GRIP1: variants seen among roughly 807,000 people sequenced by gnomAD.
The protein encoded by GRIP1 is glutamate receptor-interacting protein 1.
A neutral mutation model predicts 129.9 loss-of-function variants in GRIP1; 45 were observed. That is an observed-to-expected ratio of 0.35 (90% confidence interval 0.27 to 0.44). GRIP1 has a LOEUF of 0.44. Ranked by LOEUF, GRIP1 falls within the 20% of genes least tolerant of loss-of-function variation. The pLI is 1.00. For missense variants in GRIP1, 1,196 were observed against 1,396.8 expected (o/e 0.86, Z 2.29); for synonymous variants, 530 against 520.8 (o/e 1.02, Z -0.24).
At chr12:66,525,963 C>G (rs1175388603) in intron 5 of GRIP1, among the ~76,000 whole-genome samples, 1 of 152,042 alleles carries the variant, frequency 6.6e-6, no homozygotes, top group African/African-American at 2.4e-5. Flanking sequence ...ACCTAGGAAT[C>G]CAACTTACAA....
At chr12:66,705,119 A>G (rs906295310) in intron 1 of GRIP1, among the ~76,000 whole-genome samples, 5 of 152,166 alleles carry the variant, frequency 3.3e-5, no homozygotes, top group African/African-American at 1.2e-4. Context: ...GGCTGAAATC[A>G]TTTTTACTTT....
At chr12:66,360,883 G>A (rs1176678602) in intron 23 of GRIP1, among the ~76,000 whole-genome samples, 1 of 152,156 alleles carries the variant, frequency 6.6e-6, no homozygotes, top group Non-Finnish European at 1.5e-5. Context: ...CAGTCCTCAA[G>A]CTCTGACAGC....
At chr12:66,619,456 G>A (rs141880783) in intron 1 of GRIP1, among the ~76,000 whole-genome samples, 11 of 152,110 alleles carry the variant, frequency 7.2e-5, no homozygotes, top group East Asian at 1.9e-4. Flanking sequence ...CACACTTAGG[G>A]ACTATTTTCT....
intron 1 of GRIP1, among the ~76,000 whole-genome samples, chr12:66,839,712 C>T (rs947207793): frequency 6.6e-6 from 1 of 152,142 alleles, no homozygotes; most frequent in Non-Finnish European, 1.5e-5. Flanking sequence ...TAATAGTCTG[C>T]TAAGTGACAT....
intron 5 of GRIP1, among the ~76,000 whole-genome samples, chr12:66,526,059 A>G (rs943408237): frequency 1.1e-4 from 17 of 152,214 alleles, no homozygotes; most frequent in Non-Finnish European, 2.2e-4. Flanking sequence ...AGAACATTCC[A>G]TACTCATCGA....
At chr12:66,905,983 C>T (rs1031261666) in intron 1 of GRIP1, among the ~76,000 whole-genome samples, 10 of 151,316 alleles carry the variant, frequency 6.6e-5, no homozygotes, top group East Asian at 1.9e-4. Flanking sequence ...GGTCAGTTCT[C>T]GATGTGTAAA....
intron 1 of GRIP1, among the ~76,000 whole-genome samples, chr12:66,727,852 G>C (rs1053135430): frequency 5.3e-5 from 8 of 152,186 alleles, no homozygotes; most frequent in African/African-American, 1.9e-4. Context: ...TATAAGTTCA[G>C]AGGAGCTGCT....
intron 1 of GRIP1, among the ~76,000 whole-genome samples, chr12:66,603,944 T>C (rs2064393085): frequency 6.6e-6 from 1 of 152,202 alleles, no homozygotes; most frequent in South Asian, 2.1e-4. Context: ...GAGGAAATGG[T>C]ATTGAATTAC....
chr12:66,526,851 A>T (rs2061260466), intron 5 of GRIP1, among the ~76,000 whole-genome samples: 2 of 150,888 alleles, frequency 1.3e-5, no homozygotes, highest in African/African-American at 4.9e-5. Flanking sequence ...CAACCCCATC[A>T]AAAAGTGGGT....
chr12:66,615,360 AGAG>A (rs2064994962), intron 1 of GRIP1, among the ~76,000 whole-genome samples: 1 of 152,144 alleles, frequency 6.6e-6, no homozygotes, highest in Non-Finnish European at 1.5e-5. Flanking sequence ...TCTGACGCTC[AGAG>A]GAGGGGAGCC....
chr12:67,046,578 C>T (rs549974129), intron 1 of GRIP1, among the ~76,000 whole-genome samples: 5 of 152,272 alleles, frequency 3.3e-5, no homozygotes, highest in African/African-American at 1.2e-4. Flanking sequence ...CTATGTTCAA[C>T]ATTTTAAGCT....
At chr12:66,580,687 C>A (rs1192014794) in intron 2 of GRIP1, among the ~76,000 whole-genome samples, 1 of 150,322 alleles carries the variant, frequency 6.7e-6, no homozygotes. Context: ...GTAAAGGGAT[C>A]AATTCAACAA....
intron 1 of GRIP1, among the ~76,000 whole-genome samples, chr12:67,032,562 T>C (rs1338520071): frequency 6.6e-6 from 1 of 152,202 alleles, no homozygotes; most frequent in Admixed American, 6.5e-5. Context: ...CTACTGACAT[T>C]TTGGGCCAGA....
At chr12:66,392,155 T>A (rs1478840402) in intron 19 of GRIP1, among the ~76,000 whole-genome samples, 153 bp downstream of exon 19, 1 of 151,830 alleles carries the variant, frequency 6.6e-6, no homozygotes, top group African/African-American at 2.4e-5. Context: ...GCCAGCAGAG[T>A]GTAAGTATTC....
chr12:66,370,025 T>A (rs549477357), intron 23 of GRIP1, among the ~76,000 whole-genome samples: 18 of 152,338 alleles, frequency 1.2e-4, no homozygotes, highest in African/African-American at 4.3e-4. Flanking sequence ...AAGCTTCCAA[T>A]TCTAGACTCT....
chr12:66,575,432 TA>T (rs1565876884), intron 2 of GRIP1, among the ~76,000 whole-genome samples: 1 of 152,210 alleles, frequency 6.6e-6, no homozygotes, highest in Non-Finnish European at 1.5e-5. Context: ...TAGAAGTGTT[TA>T]TTTTTCGGTA....
At chr12:66,374,854 T>C (rs2055709472) in intron 22 of GRIP1, among the ~76,000 whole-genome samples, 2 of 152,212 alleles carry the variant, frequency 1.3e-5, no homozygotes, top group African/African-American at 4.8e-5. Context: ...AAATGAACTT[T>C]AGGTAGCATC....
At chr12:66,458,777 T>C (rs956870120) in intron 9 of GRIP1, among the ~76,000 whole-genome samples, 6 of 152,242 alleles carry the variant, frequency 3.9e-5, no homozygotes, top group Non-Finnish European at 7.3e-5. Context: ...TTGTATATTT[T>C]AGCCACACTG....
intron 1 of GRIP1, among the ~76,000 whole-genome samples, chr12:66,968,178 AC>A (rs1410150916): frequency 1.3e-5 from 2 of 152,176 alleles, no homozygotes; most frequent in African/African-American, 4.8e-5. Context: ...GAGAACTGAT[AC>A]TTTTATCAGT....
Sources: gnomAD v4.1 joint callset for allele counts (sites outside exome capture counted in the v4.1 genomes callset) on GRCh38, gnomAD v4.1.1 for gene constraint, MANE v1.5 for transcripts, NCBI Gene and HGNC (gene_info 2026-07-23, HGNC 2026-07-21) for gene names.